Variants in LZIC observed in about 807,000 individuals in gnomAD.
The protein encoded by LZIC is leucine zipper and CTNNBIP1 domain containing.
Under a neutral mutation model 25.4 loss-of-function variants are expected in LZIC, and 28 were observed. The observed-to-expected ratio is 1.10, with a 90% CI of 0.82 to 1.51. The LOEUF (loss-of-function observed/expected upper bound fraction) is 1.51, where lower values mean the gene tolerates loss of function less well. LZIC is among the 40% of genes most tolerant of loss of function. LZIC has a pLI of 0.00. For synonymous variants in LZIC, 65 were observed against 70.7 expected (o/e 0.92, Z 0.40); for missense variants, 170 against 211.1 (o/e 0.81, Z 1.21).
chr1:9,933,283 AAT>A (rs772364108), intron 5 of LZIC, among the ~76,000 whole-genome samples: 5,636 of 58,348 alleles, frequency 0.097, 394 homozygotes, highest in South Asian at 0.21. Context: ...AAAAAAAAAA[AAT>A]ATATATATAT....
chr1:9,936,653 C>G, intron 2 of LZIC, 26 bp from the exon 3 acceptor site: 2 of 1,437,820 alleles, frequency 1.4e-6, no homozygotes, highest in Non-Finnish European at 1.9e-6. Flanking sequence ...AACCCACATA[C>G]CATATGAAAT....
chr1:9,923,690 A>C (rs1639913954), downstream of LZIC, among the ~76,000 whole-genome samples: 1 of 151,630 alleles, frequency 6.6e-6, no homozygotes, highest in Non-Finnish European at 1.5e-5. Context: ...CATTGGGTCA[A>C]GAAAAAAAGA....
At chr1:9,941,078 A>G (rs772475357) in intron 2 of LZIC, among the ~76,000 whole-genome samples, 7 of 152,268 alleles carry the variant, frequency 4.6e-5, no homozygotes, top group Middle Eastern at 3.4e-3. Flanking sequence ...CATTCTTCAA[A>G]GTCTAGTTCA....
chr1:9,939,524 G>C (rs1183455385), intron 2 of LZIC, among the ~76,000 whole-genome samples: 1 of 145,206 alleles, frequency 6.9e-6, no homozygotes, highest in Non-Finnish European at 1.5e-5. Flanking sequence ...AGGATTACAG[G>C]TGTGCCACCA....
Position 9,926,383 on chromosome 1 carries a change from AT to A in LZIC, c.*4015del, listed in dbSNP as rs1380268076. ...CCATCATTCACTGTAATAAGATACC[AT>A]TTCAGTGGTGGAGTTGCATAGTCTT... On this transcript the variant is annotated 3_prime_UTR_variant, in exon 8 of 8. Coordinates refer to ENST00000377223, the MANE Select transcript of LZIC (RefSeq NM_032368.5). 1.3e-5 allele frequency among the ~76,000 whole-genome samples: 2 copies of A among 152,148 alleles called. No homozygotes were observed. Among genetic ancestry groups the A allele is most frequent in the Admixed American group, 6.6e-5 (1 of 15,264 alleles).
At chr1:9,924,390 T>G (rs1339468679), downstream of LZIC, among the ~76,000 whole-genome samples, 2 of 152,168 alleles carry the variant, frequency 1.3e-5, no homozygotes, top group African/African-American at 4.8e-5. Flanking sequence ...AGTCTTGCTC[T>G]GTCACCCAGG....
At chr1:9,932,076 T>C in intron 6 of LZIC, 104 bp from the exon 7 acceptor site, 2 of 391,458 alleles carry the variant, frequency 5.1e-6, no homozygotes, top group Non-Finnish European at 8.8e-6. Flanking sequence ...GGCTCACGCC[T>C]GTAATCCCTG....
intron 7 of LZIC, 136 bp from the exon 8 acceptor site, chr1:9,930,593 C>A (rs1196945353): frequency 5.9e-6 from 7 of 1,184,844 alleles, no homozygotes; most frequent in East Asian, 2.5e-5. Flanking sequence ...TGTATTAACC[C>A]CTACACGTTC....
At chr1:9,938,875 C>T (rs959543549) in intron 2 of LZIC, among the ~76,000 whole-genome samples, 5 of 152,158 alleles carry the variant, frequency 3.3e-5, no homozygotes, top group Non-Finnish European at 7.3e-5. Flanking sequence ...AGACAAAAGC[C>T]ACCTGCAACA....
intron 5 of LZIC, among the ~76,000 whole-genome samples, chr1:9,933,864 T>C (rs934965881): frequency 6.6e-6 from 1 of 151,632 alleles, no homozygotes; most frequent in Non-Finnish European, 1.5e-5. Flanking sequence ...GAGATTGCAT[T>C]ACTACACTGA....
rs371318648 is a variant in LZIC at position 9,931,989 on chromosome 1, A to G, written c.433-17T>C. The stretch of plus-strand genomic sequence containing the variant: ...TGCAGTCAGCTAAACAAAATGAAAC[A>G]AAGTCCAGTTGAGTGGGTAAATGTT... On this transcript the variant is annotated splice_polypyrimidine_tract_variant and intron_variant, in intron 6 of 7. Transcript: ENST00000377223. The G allele has an allele frequency of 9.3e-6, 15 of 1,604,786 alleles. No homozygotes were observed. Among genetic ancestry groups the G allele is most frequent in the African/African-American group, 2.7e-5 (2 of 74,760 alleles).
intron 5 of LZIC, among the ~76,000 whole-genome samples, chr1:9,933,887 A>G (rs1640342381): frequency 1.3e-5 from 2 of 150,344 alleles, no homozygotes; most frequent in Non-Finnish European, 3.0e-5. Flanking sequence ...CTGGGTGACA[A>G]AGTAAGACCC....
intron 6 of LZIC, 52 bp downstream of exon 6, chr1:9,932,751 T>C: frequency 4.7e-6 from 5 of 1,055,128 alleles, no homozygotes; most frequent in Non-Finnish European, 5.8e-6. Context: ...AGATGTTCTG[T>C]ACCAAATAAT....
intron 2 of LZIC, among the ~76,000 whole-genome samples, chr1:9,939,542 C>CTTTTTTTTTTTTTTT (rs34837155): frequency 1.1e-4 from 9 of 81,964 alleles, no homozygotes; most frequent in East Asian, 3.9e-4. Context: ...CCACATCTGC[C>CTTTTTTTTTTTTTTT]TTTTTTTTTT....
At chr1:9,933,081 C>T (rs553624958) in intron 5 of LZIC, among the ~76,000 whole-genome samples, 183 bp from the exon 6 acceptor site, 3 of 151,396 alleles carry the variant, frequency 2.0e-5, no homozygotes, top group East Asian at 1.9e-4. Context: ...GGTGAAACCC[C>T]GTCTCTACTA....
downstream of LZIC, among the ~76,000 whole-genome samples, chr1:9,923,245 T>C (rs1639903293): frequency 6.6e-6 from 1 of 152,192 alleles, no homozygotes; most frequent in Non-Finnish European, 1.5e-5. Context: ...GTTTTTGAGA[T>C]GGAGTCTTGC....
Position 9,942,700 on chromosome 1 carries a change from GAGTGTCATAAACTTGA to G in LZIC, c.-101_-86del. ...ACAAACCTCCAGTTCTTGACGTTCC[GAGTGTCATAAACTTGA>G]GGAAAATGAAATTATTCATCAGGAC... is the stretch of plus-strand genomic sequence containing the variant. On this transcript the variant is annotated 5_prime_UTR_variant, in exon 2 of 8. It removes an upstream start codon present in the reference 5' UTR. Transcript: ENST00000377223. 1 of 1,289,190 alleles carries G rather than the reference GAGTGTCATAAACTTGA, an allele frequency of 7.8e-7. No individual in the cohort carries two copies. The highest frequency in any genetic ancestry group is 1.0e-6 in the Non-Finnish European group (1 of 988,688). The allele number at this position is 1,289,190 out of a possible 1,614,324, so 79.9% of individuals were successfully genotyped here. A position where few individuals can be genotyped will look rare whatever the true frequency, so the allele number is the denominator to read the frequency against.
chr1:9,929,990 T>C lies in LZIC; in HGVS notation c.*409A>G, dbSNP rs182584786. On this transcript the variant is annotated 3_prime_UTR_variant, in exon 8 of 8. Coordinates refer to ENST00000377223, the MANE Select transcript of LZIC (RefSeq NM_032368.5). ...TAAAATTCTATGAACACTTATGAAG[T>C]CTATTGAGCTTGCGTCACTGTTCAC... 4 of 989,574 alleles carry C rather than the reference T, an allele frequency of 4.0e-6. No individual in the cohort carries two copies. The highest frequency in any genetic ancestry group is 2.2e-4 in the East Asian group (2 of 9,298). 61.3% of individuals were successfully genotyped at this position (989,574 alleles called of 1,614,324 possible).
chr1:9,925,113 A>T (rs1639949566), downstream of LZIC, among the ~76,000 whole-genome samples: 1 of 150,420 alleles, frequency 6.6e-6, no homozygotes, highest in African/African-American at 2.5e-5. Flanking sequence ...GGACTTTGAG[A>T]CCAGCCTGGC....
Sources: allele counts gnomAD v4.1 joint callset (sites outside exome capture counted in the v4.1 genomes callset), GRCh38; gene constraint gnomAD v4.1.1; transcripts MANE v1.5; gene names NCBI Gene and HGNC (gene_info 2026-07-23, HGNC 2026-07-21).